NR4A1: variants seen among roughly 807,000 people sequenced by gnomAD.
The protein encoded by NR4A1 is nuclear receptor subfamily 4immunitygroup A member 1.
Under a neutral mutation model 47.5 loss-of-function variants are expected in NR4A1, and 24 were observed. The ratio of observed to expected loss-of-function variants is 0.50; its 90% CI spans 0.37 to 0.71. NR4A1 has a LOEUF of 0.71. Ranked by LOEUF, NR4A1 falls within the 30% of genes least tolerant of loss-of-function variation. The probability of loss-of-function intolerance (pLI) is 0.00; values close to 1 mark genes in which losing one functional copy is unlikely to be tolerated. For synonymous variants in NR4A1, 353 were observed against 345.7 expected, an observed-to-expected ratio of 1.02 and a Z score of -0.24; for missense variants, 669 against 788.6, an observed-to-expected ratio of 0.85 and a Z score of 1.82.
At chr12:52,058,242 G>A (rs184833041) in intron 6 of NR4A1, among the ~76,000 whole-genome samples, 33 of 152,224 alleles carry the variant, frequency 2.2e-4, no homozygotes, top group South Asian at 6.2e-4. Context: ...AGATTTCTCT[G>A]TTTTTTAAAG....
intron 1 of NR4A1, among the ~76,000 whole-genome samples, chr12:52,053,242 T>C (rs1162377048): frequency 6.6e-6 from 1 of 152,138 alleles, no homozygotes; most frequent in Admixed American, 6.5e-5. Flanking sequence ...AATGATGCTA[T>C]CTCTGTTCAG....
intron 1 of NR4A1, among the ~76,000 whole-genome samples, chr12:52,026,370 A>G (rs954055281): frequency 3.3e-5 from 5 of 152,226 alleles, no homozygotes; most frequent in Non-Finnish European, 7.3e-5. Flanking sequence ...AAAAATAACA[A>G]CTACCTTTCA....
chr12:52,051,419 A>G (rs1242285385), upstream of NR4A1: 2 of 985,370 alleles, frequency 2.0e-6, no homozygotes, highest in Non-Finnish European at 2.4e-6. Context: ...AGCGCTTAAG[A>G]GGAGGGTCGG....
At chr12:52,051,648 A>T (rs1938954186) in intron 1 of NR4A1, 80 bp downstream of exon 1, 2 of 912,948 alleles carry the variant, frequency 2.2e-6, no homozygotes, top group Non-Finnish European at 2.6e-6. Context: ...GGCAGAGAGG[A>T]TGTTGTAGGG....
chr12:52,058,624 G>T, intron 6 of NR4A1, 64 bp from the exon 7 acceptor site: 1 of 1,468,660 alleles, frequency 6.8e-7, no homozygotes, highest in East Asian at 2.5e-5. Context: ...AGGGGCCTGG[G>T]GGAGGCTGGG....
intron 2 of NR4A1, 109 bp from the exon 3 acceptor site, chr12:52,055,921 G>C: frequency 1.8e-6 from 1 of 557,464 alleles, no homozygotes; most frequent in Non-Finnish European, 2.9e-6. Context: ...TGTGAACAGA[G>C]AGCGCTTTTG....
rs1375079818 is a variant in NR4A1 at position 52,056,127 on chromosome 12, A to T, written c.974A>T (p.Gln325Leu). 1 of 1,611,546 alleles carries T rather than the reference A, an allele frequency of 6.2e-7. No homozygotes were observed. The highest frequency in any genetic ancestry group is 8.5e-7 in the Non-Finnish European group (1 of 1,178,906). ...RRNRCQFCRF[Q>L]KCLAVGMVKE... ...AACCGCTGCCAGTTCTGCCGCTTCC[A>T]GAAGTGCCTGGCGGTGGGCATGGTG... The change falls in exon 3 of 7, where the codon CAG (glutamine) becomes CTG (leucine). Residue 325 changes from glutamine to leucine, a missense_variant. Gln to Leu is a moderately radical substitution (Grantham distance 113). Transcript: ENST00000394825.
intron 2 of NR4A1, chr12:52,055,657 G>A (rs1939223068): frequency 2.7e-6 from 1 of 372,072 alleles, no homozygotes; most frequent in Non-Finnish European, 4.8e-6. Flanking sequence ...CCCAGCGATG[G>A]TGCCTGCTTA....
chr12:52,036,961 C>T (rs937325941), intron 1 of NR4A1, among the ~76,000 whole-genome samples: 3 of 152,256 alleles, frequency 2.0e-5, no homozygotes, highest in Non-Finnish European at 4.4e-5. Context: ...CTCCCCGGCT[C>T]TGGCCGCGGG....
At chr12:52,056,420 T>C in intron 3 of NR4A1, 74 bp from the exon 4 acceptor site, 3 of 1,564,206 alleles carry the variant, frequency 1.9e-6, no homozygotes, top group Non-Finnish European at 2.6e-6. Context: ...GTCTCAGCAG[T>C]GGTGTGCACG....
intron 2 of NR4A1, 64 bp downstream of exon 2, chr12:52,055,268 G>A: frequency 6.3e-7 from 1 of 1,587,446 alleles, no homozygotes; most frequent in South Asian, 1.1e-5. Context: ...TCATCCCATT[G>A]GGACCTGTGG....
intron 1 of NR4A1, among the ~76,000 whole-genome samples, chr12:52,029,503 C>T (rs570042075): frequency 2.6e-5 from 4 of 152,138 alleles, no homozygotes; most frequent in African/African-American, 4.8e-5. Flanking sequence ...GCCTGGGCAA[C>T]AGAGTGAAAC....
intron 1 of NR4A1, among the ~76,000 whole-genome samples, chr12:52,052,304 T>TGAGAGAGA (rs1555168682): frequency 1.4e-5 from 1 of 70,664 alleles, no homozygotes; most frequent in African/African-American, 4.6e-5. Context: ...TGTGTGTGTG[T>TGAGAGAGA]GAGAGAGAGA....
intron 1 of NR4A1, among the ~76,000 whole-genome samples, chr12:52,032,462 T>C (rs1938147166): frequency 6.6e-6 from 1 of 152,228 alleles, no homozygotes; most frequent in Admixed American, 6.5e-5. Context: ...TGCCTCATAA[T>C]AAATCTTTTT....
intron 1 of NR4A1, chr12:52,038,014 GT>G (rs1938303683): frequency 2.0e-6 from 2 of 985,648 alleles, no homozygotes; most frequent in South Asian, 9.4e-5. Context: ...GTCTGGCTGT[GT>G]GGAGGGCAGG....
chr12:52,056,617 C>T lies in NR4A1; in HGVS notation c.1130C>T (p.Pro377Leu), dbSNP rs1939285641. 1 of 1,606,814 alleles carries T rather than the reference C, an allele frequency of 6.2e-7. No individual in the cohort carries two copies. The highest frequency in any genetic ancestry group is 8.5e-7 in the Non-Finnish European group (1 of 1,178,038). The change falls in exon 4 of 7, where the codon CCC (proline) becomes CTC (leucine). Residue 377 changes from proline (P) to leucine (L), a missense_variant. By Grantham distance (98) the Pro-to-Leu change is moderately conservative. Coordinates refer to ENST00000394825, the MANE Select transcript of NR4A1 (RefSeq NM_173157.3). ...GTCCGTGCACACCTGGACTCAGGGC[C>T]CAGCACTGCCAAACTGGACTACTCC... is the stretch of plus-strand genomic sequence containing the variant. Reference protein sequence around the residue: ...SLVRAHLDSGPSTAKLDYSKF... With the variant: ...SLVRAHLDSGLSTAKLDYSKF...
At chr12:52,053,448 G>C (rs1048054467) in intron 1 of NR4A1, 1 of 152,140 alleles carries the variant, frequency 6.6e-6, no homozygotes, top group African/African-American at 2.4e-5. Flanking sequence ...ACTGGGGGCA[G>C]CAGAACATTC....
chr12:52,036,309 C>T (rs1323424338), intron 1 of NR4A1, among the ~76,000 whole-genome samples: 3 of 152,072 alleles, frequency 2.0e-5, no homozygotes, highest in Admixed American at 6.5e-5. Context: ...GGCCTGAAGA[C>T]TCTGGTCAGA....
chr12:52,051,247 TC>T (rs1217915148), upstream of NR4A1, among the ~76,000 whole-genome samples: 1 of 151,524 alleles, frequency 6.6e-6, no homozygotes, highest in Non-Finnish European at 1.5e-5. Context: ...GCGCAGACAT[TC>T]CAGGCCCCCC....
Sources: allele counts gnomAD v4.1 joint callset (sites outside exome capture counted in the v4.1 genomes callset), GRCh38; gene constraint gnomAD v4.1.1; transcripts MANE v1.5; gene names NCBI Gene and HGNC (gene_info 2026-07-23, HGNC 2026-07-21).